The following ZNRF1 variants were observed in gnomAD, a reference collection of about 807,000 sequenced individuals.
The protein encoded by ZNRF1 is zinc and ring finger 1.
A neutral mutation model predicts 18.4 loss-of-function variants in ZNRF1; 3 were observed. The ratio of observed to expected loss-of-function variants is 0.16; its 90% CI spans 0.07 to 0.42. The LOEUF (loss-of-function observed/expected upper bound fraction) is 0.42. ZNRF1 is among the 10% of genes least tolerant of loss of function. ZNRF1 has a pLI of 0.99. For missense variants in ZNRF1, 310 were observed against 329.8 expected, an observed-to-expected ratio of 0.94 and a Z score of 0.47; for synonymous variants, 157 against 144.2, an observed-to-expected ratio of 1.09 and a Z score of -0.64.
intron 1 of ZNRF1, among the ~76,000 whole-genome samples, chr16:75,009,686 A>G (rs1479905982): frequency 6.6e-6 from 1 of 152,144 alleles, no homozygotes; most frequent in African/African-American, 2.4e-5. Flanking sequence ...TGGTGATTCT[A>G]TTTTTAATTT....
At chr16:75,083,112 T>TG (rs1222477618) in intron 1 of ZNRF1, among the ~76,000 whole-genome samples, 1 of 152,252 alleles carries the variant, frequency 6.6e-6, no homozygotes, top group African/African-American at 2.4e-5. Flanking sequence ...GATGGCATCT[T>TG]GGAGTCACAA....
intron 1 of ZNRF1, among the ~76,000 whole-genome samples, chr16:75,025,374 A>G: frequency 6.6e-6 from 1 of 151,752 alleles, no homozygotes; most frequent in Non-Finnish European, 1.5e-5. Flanking sequence ...GGCCTATTTT[A>G]TTTTGTTTTT....
At chr16:75,050,640 G>T (rs1329239227) in intron 1 of ZNRF1, among the ~76,000 whole-genome samples, 2 of 151,048 alleles carry the variant, frequency 1.3e-5, no homozygotes, top group African/African-American at 4.9e-5. Flanking sequence ...AGGCCAAGGC[G>T]GGCGGATCAC....
At chr16:75,020,829 A>C (rs1414284076) in intron 1 of ZNRF1, among the ~76,000 whole-genome samples, 1 of 152,108 alleles carries the variant, frequency 6.6e-6, no homozygotes, top group African/African-American at 2.4e-5. Context: ...GGCGTGAGCC[A>C]CCGCGCCCGG....
At chr16:75,066,754 T>C (rs906550556) in intron 1 of ZNRF1, among the ~76,000 whole-genome samples, 1 of 152,098 alleles carries the variant, frequency 6.6e-6, no homozygotes, top group Non-Finnish European at 1.5e-5. Flanking sequence ...TCCGCCCACC[T>C]TGGCCTCCCA....
At position 74,999,787 on chromosome 16, in the gene ZNRF1, C is replaced by T. The variant is rs2034813298; in HGVS notation, c.116C>T (p.Thr39Met). The change falls in exon 1 of 5, where the codon ACG becomes ATG. Residue 39 changes from threonine (T) to methionine (M), a missense_variant. Coordinates refer to ENST00000335325, the MANE Select transcript of ZNRF1 (RefSeq NM_032268.5). ...GGAPHFGHYR[T>M]GGGAMGLRSR... Reference sequence around the variant, plus strand: ...GCGCCCCATTTCGGGCACTACCGGACGGGCGGCGGGGCCATGGGGCTGCGC... The same window carrying T: ...GCGCCCCATTTCGGGCACTACCGGATGGGCGGCGGGGCCATGGGGCTGCGC... 1 of 1,414,854 alleles carries T rather than the reference C, an allele frequency of 7.1e-7. No individual in the cohort carries two copies. 87.6% of individuals were successfully genotyped at this position (1,414,854 alleles called of 1,614,324 possible).
At chr16:75,011,899 T>C (rs2035004798) in intron 1 of ZNRF1, among the ~76,000 whole-genome samples, 3 of 152,186 alleles carry the variant, frequency 2.0e-5, no homozygotes, top group African/African-American at 7.2e-5. Context: ...CTTTGAGAAA[T>C]AGTATTATGA....
Position 75,109,842 on chromosome 16 carries a change from C to T in ZNRF1, c.*2142C>T, listed in dbSNP as rs1323581189. The T allele has an allele frequency of 6.6e-6, 1 of 152,322 alleles. No homozygotes were observed. Among genetic ancestry groups the T allele is most frequent in the Non-Finnish European group, 1.5e-5 (1 of 68,110 alleles). 9.4% of individuals were successfully genotyped at this position (152,322 alleles called of 1,614,324 possible). Reference sequence around the variant, plus strand: ...CAGGCTCCCCATAGCTTTGTCACCACAAAGGGCACTGTTCTATTCACAGCA... The same window carrying T: ...CAGGCTCCCCATAGCTTTGTCACCATAAAGGGCACTGTTCTATTCACAGCA... On this transcript the variant is annotated 3_prime_UTR_variant, in exon 5 of 5. Coordinates refer to ENST00000335325, the MANE Select transcript of ZNRF1 (RefSeq NM_032268.5).
chr16:75,109,602 CTG>C lies in ZNRF1; in HGVS notation c.*1903_*1904del, dbSNP rs2036358240. ...GCCTGGGTCTCAGCGCGGGACCCGTCTGGGGTGAAGACCTTGGGGCTGTTGTG... is the reference window on the plus strand; with the variant it reads ...GCCTGGGTCTCAGCGCGGGACCCGTCGGGTGAAGACCTTGGGGCTGTTGTG... On this transcript the variant is annotated 3_prime_UTR_variant, in exon 5 of 5. Transcript: ENST00000335325. 6.5e-6 allele frequency: 1 copy of C among 152,718 alleles called. No homozygotes were observed. Among genetic ancestry groups the C allele is most frequent in the Non-Finnish European group, 1.5e-5 (1 of 68,188 alleles). The allele number at this position is 152,718 out of a possible 1,614,324, so 9.5% of individuals were successfully genotyped here. A position where few individuals can be genotyped will look rare whatever the true frequency, so the allele number is the denominator to read the frequency against.
chr16:75,099,896 C>G (rs1318729422), intron 2 of ZNRF1, among the ~76,000 whole-genome samples: 1 of 152,194 alleles, frequency 6.6e-6, no homozygotes, highest in Non-Finnish European at 1.5e-5. Flanking sequence ...CTGCTAGGCT[C>G]TCAGGGACAT....
chr16:75,081,571 G>A (rs1432088296), intron 1 of ZNRF1, among the ~76,000 whole-genome samples: 4 of 152,190 alleles, frequency 2.6e-5, no homozygotes, highest in Non-Finnish European at 4.4e-5. Flanking sequence ...TTGCCCAAAC[G>A]CTAGAAGTCC....
chr16:75,100,251 A>G (rs1221322753), intron 2 of ZNRF1, among the ~76,000 whole-genome samples: 6 of 152,330 alleles, frequency 3.9e-5, no homozygotes, highest in South Asian at 2.1e-4. Flanking sequence ...TAAAGGCACA[A>G]CACTGCACTG....
intron 1 of ZNRF1, among the ~76,000 whole-genome samples, chr16:75,003,398 C>T (rs2034878211): frequency 6.6e-6 from 1 of 152,200 alleles, no homozygotes; most frequent in African/African-American, 2.4e-5. Flanking sequence ...ACTGTGCCTG[C>T]CACTCACATT....
chr16:75,003,397 G>C (rs545269150), intron 1 of ZNRF1, among the ~76,000 whole-genome samples: 1 of 152,208 alleles, frequency 6.6e-6, no homozygotes, highest in Non-Finnish European at 1.5e-5. Flanking sequence ...CACTGTGCCT[G>C]CCACTCACAT....
chr16:75,081,031 G>C (rs751433787), intron 1 of ZNRF1, among the ~76,000 whole-genome samples: 10 of 152,000 alleles, frequency 6.6e-5, no homozygotes, highest in Non-Finnish European at 1.2e-4. Flanking sequence ...AAATTAGCCG[G>C]GCGTGGTGGT....
At chr16:75,051,181 C>T (rs2035598199) in intron 1 of ZNRF1, among the ~76,000 whole-genome samples, 1 of 152,046 alleles carries the variant, frequency 6.6e-6, no homozygotes, top group African/African-American at 2.4e-5. Flanking sequence ...CAGACCACCC[C>T]CTCCACTACT....
chr16:75,000,856 T>C (rs996720933), intron 1 of ZNRF1, among the ~76,000 whole-genome samples: 7 of 152,184 alleles, frequency 4.6e-5, no homozygotes, highest in African/African-American at 1.7e-4. Context: ...ACAGGGAGCC[T>C]GTCACGGTGG....
chr16:74,999,588 G>A lies in ZNRF1; in HGVS notation c.-84G>A. ...CCTTTTTGACTCCCTCCCCCTTTAT[G>A]CTCGCCCAGCCCTCCCCCTGCTGCT... On this transcript the variant is annotated 5_prime_UTR_variant, in exon 1 of 5. An upstream start codon of the reference 5' UTR is lost. Coordinates refer to ENST00000335325, the MANE Select transcript of ZNRF1 (RefSeq NM_032268.5). 2.9e-6 allele frequency: 3 copies of A among 1,048,434 alleles called. No homozygotes were observed. The highest frequency in any genetic ancestry group is 3.7e-6 in the Non-Finnish European group (3 of 807,816). 64.9% of individuals were successfully genotyped at this position (1,048,434 alleles called of 1,614,324 possible).
At position 75,107,838 on chromosome 16, in the gene ZNRF1, A is replaced by G. The variant is rs2036336505; in HGVS notation, c.*138A>G. On this transcript the variant is annotated 3_prime_UTR_variant, in exon 5 of 5. Coordinates refer to ENST00000335325, the MANE Select transcript of ZNRF1 (RefSeq NM_032268.5). ...GCACCCCTTCTGCACTGACTTCCAG[A>G]TCATGGTTCTCCCTTCCTCCCTGAG... 1.1e-5 allele frequency: 5 copies of G among 456,172 alleles called. No homozygotes were observed. 28.3% of individuals were successfully genotyped at this position (456,172 alleles called of 1,614,324 possible). A position where few individuals can be genotyped will look rare whatever the true frequency, so the allele number is the denominator to read the frequency against.
Sources: allele counts gnomAD v4.1 joint callset (sites outside exome capture counted in the v4.1 genomes callset), GRCh38; gene constraint gnomAD v4.1.1; transcripts MANE v1.5; gene names NCBI Gene and HGNC (gene_info 2026-07-23, HGNC 2026-07-21).